Variants in SKIC3 observed in about 807,000 individuals in gnomAD.
SKIC3 encodes the protein superkiller complex protein 3.
chr5:95,478,534 G>A, the SKIC3 span: 148 of 1,552,006 alleles, frequency 9.5e-5, 1 homozygote, highest in South Asian at 9.9e-4. Context: ...AAACTTTGTC[G>A]TAGTAAAAAT....
At chr5:95,540,857 T>C in the SKIC3 span, 2 of 1,612,552 alleles carry the variant, frequency 1.2e-6, no homozygotes, top group Admixed American at 1.7e-5. Flanking sequence ...TTTTAAATTA[T>C]TTTGTCCAAA....
chr5:95,486,566 C>G, the SKIC3 span, among the ~76,000 whole-genome samples: 1 of 152,198 alleles, frequency 6.6e-6, no homozygotes, highest in African/African-American at 2.4e-5. Flanking sequence ...CCGCATGCAC[C>G]ACCAGGGAGC....
At chr5:95,493,791 T>A in the SKIC3 span, among the ~76,000 whole-genome samples, 1 of 151,540 alleles carries the variant, frequency 6.6e-6, no homozygotes, top group Admixed American at 6.6e-5. Context: ...AGGGAATACA[T>A]TTAATACATT....
chr5:95,493,606 T>A, the SKIC3 span, among the ~76,000 whole-genome samples: 1 of 152,082 alleles, frequency 6.6e-6, no homozygotes, highest in Non-Finnish European at 1.5e-5. Context: ...AATATTGACT[T>A]TTTTTACTTA....
chr5:95,470,610 G>C, the SKIC3 span, among the ~76,000 whole-genome samples: 12 of 152,086 alleles, frequency 7.9e-5, no homozygotes, highest in African/African-American at 2.9e-4. Context: ...TCTAAGGAGA[G>C]AGGAAAGGCT....
chr5:95,497,297 G>T, the SKIC3 span: 2 of 981,054 alleles, frequency 2.0e-6, no homozygotes, highest in Non-Finnish European at 3.2e-6. Flanking sequence ...GTTAATAACA[G>T]AACTTTCTTC....
At chr5:95,468,284 T>C in the SKIC3 span, among the ~76,000 whole-genome samples, 1 of 152,152 alleles carries the variant, frequency 6.6e-6, no homozygotes, top group African/African-American at 2.4e-5. Flanking sequence ...TTCCAAGTTA[T>C]CCTCATTCCA....
At chr5:95,507,708 A>C in the SKIC3 span, among the ~76,000 whole-genome samples, 1 of 152,204 alleles carries the variant, frequency 6.6e-6, no homozygotes, top group Non-Finnish European at 1.5e-5. Flanking sequence ...TTTGCTAGAG[A>C]AGCCTAAAGA....
chr5:95,536,724 A>C, the SKIC3 span: 3 of 1,009,942 alleles, frequency 3.0e-6, no homozygotes, highest in Admixed American at 5.1e-5. Context: ...CAACACCTTA[A>C]ACATGGTAGA....
the SKIC3 span, chr5:95,516,245 G>A: frequency 1.8e-6 from 2 of 1,128,596 alleles, no homozygotes; most frequent in South Asian, 1.3e-5. Context: ...ATACTGGCTA[G>A]ATAACGATGT....
the SKIC3 span, among the ~76,000 whole-genome samples, chr5:95,542,497 A>C: frequency 6.6e-6 from 1 of 152,066 alleles, no homozygotes; most frequent in Non-Finnish European, 1.5e-5. Context: ...TGATCAAACA[A>C]AAAAAAATCA....
At chr5:95,522,300 C>T in the SKIC3 span, 795 of 1,613,198 alleles carry the variant, frequency 4.9e-4, 5 homozygotes, top group African/African-American at 9.8e-3. Flanking sequence ...CTTAATGCTG[C>T]CTGTAAACTA....
At chr5:95,523,685 T>C in the SKIC3 span, 1 of 1,613,668 alleles carries the variant, frequency 6.2e-7, no homozygotes, top group African/African-American at 1.3e-5. Context: ...TTAGGTCAAC[T>C]GCTGCAGCTC....
At chr5:95,537,502 C>T in the SKIC3 span, among the ~76,000 whole-genome samples, 3 of 152,318 alleles carry the variant, frequency 2.0e-5, no homozygotes, top group African/African-American at 7.2e-5. Context: ...TCTGAAATCA[C>T]TAGCACGTTC....
At chr5:95,490,590 T>C in the SKIC3 span, among the ~76,000 whole-genome samples, 5 of 151,204 alleles carry the variant, frequency 3.3e-5, no homozygotes, top group Non-Finnish European at 7.4e-5. Flanking sequence ...CTCCGCCTCC[T>C]GGGTTCACGC....
At chr5:95,547,050 A>G in the SKIC3 span, 1 of 1,611,150 alleles carries the variant, frequency 6.2e-7, no homozygotes, top group Non-Finnish European at 8.5e-7. Context: ...GAAGAAAAAA[A>G]TACTGGTTAC....
chr5:95,543,063 A>T, the SKIC3 span: 45 of 1,246,082 alleles, frequency 3.6e-5, no homozygotes, highest in African/African-American at 9.2e-5. Flanking sequence ...ATAAATTTAA[A>T]TTTTTTCTTA....
At chr5:95,510,745 G>A in the SKIC3 span, among the ~76,000 whole-genome samples, 1 of 152,132 alleles carries the variant, frequency 6.6e-6, no homozygotes, top group Non-Finnish European at 1.5e-5. Context: ...CGGGGAGACT[G>A]ATTTCGGTAA....
chr5:95,487,054 TA>T, the SKIC3 span, among the ~76,000 whole-genome samples: 1 of 152,120 alleles, frequency 6.6e-6, no homozygotes, highest in Non-Finnish European at 1.5e-5. Context: ...GATCCACCCT[TA>T]ATCTGGTGGG....
Sources: allele counts gnomAD v4.1 joint callset (sites outside exome capture counted in the v4.1 genomes callset), GRCh38; gene constraint gnomAD v4.1.1; transcripts MANE v1.5; gene names NCBI Gene and HGNC (gene_info 2026-07-23, HGNC 2026-07-21).